The following SLC26A7 variants were observed in gnomAD, a reference collection of about 807,000 sequenced individuals.
SLC26A7 encodes anion exchange transporter.
In SLC26A7, 59 loss-of-function variants were observed where a neutral mutation model predicts 82.5. The ratio of observed to expected loss-of-function variants is 0.72; its 90% confidence interval spans 0.58 to 0.89. SLC26A7 has a LOEUF of 0.89. Among genes scored for constraint, SLC26A7 ranks in the 40% least tolerant of loss-of-function variants. The pLI is 0.00. For synonymous variants in SLC26A7, 271 were observed against 274.3 expected (o/e 0.99, Z 0.12); for missense variants, 820 against 793.0 (o/e 1.03, Z -0.41).
At chr8:91,372,140 G>T (rs1289735573) in intron 15 of SLC26A7, among the ~76,000 whole-genome samples, 1 of 151,828 alleles carries the variant, frequency 6.6e-6, no homozygotes, top group Non-Finnish European at 1.5e-5. Flanking sequence ...TTAGTCCTTT[G>T]TTGGATGCAT....
Position 91,292,866 on chromosome 8 carries a change from A to G in SLC26A7, c.305-2665A>G, listed in dbSNP as rs79382230. Among the ~76,000 whole-genome samples, 1,132 of 152,296 alleles carry G rather than the reference A, an allele frequency of 7.4e-3. 11 individuals carry two copies. The highest frequency in any genetic ancestry group is 0.026 in the African/African-American group (1,096 of 41,566). ...GGCAACAGCATTGTTGTAGGAACCA[A>G]TGTGAGACAATTGGATAATCTTAAT... On this transcript the variant is annotated intron_variant, in intron 3 of 18. Coordinates refer to ENST00000276609, the MANE Select transcript of SLC26A7 (RefSeq NM_052832.4).
chr8:91,267,566 T>G (rs1226407825), intron 2 of SLC26A7, among the ~76,000 whole-genome samples: 1 of 151,932 alleles, frequency 6.6e-6, no homozygotes, highest in Non-Finnish European at 1.5e-5. Flanking sequence ...CACAATAGTC[T>G]TTTATGACCT....
chr8:91,327,924 T>C (rs1812977364), intron 5 of SLC26A7, among the ~76,000 whole-genome samples: 1 of 152,138 alleles, frequency 6.6e-6, no homozygotes, highest in Admixed American at 6.6e-5. Flanking sequence ...TCATCATTAC[T>C]AGTGAAGAAT....
intron 5 of SLC26A7, among the ~76,000 whole-genome samples, chr8:91,331,901 G>A (rs1471649197): frequency 6.6e-6 from 1 of 151,910 alleles, no homozygotes; most frequent in Non-Finnish European, 1.5e-5. Flanking sequence ...TTGATTAATA[G>A]TGTAATTGAG....
At chr8:91,241,040 C>G (rs1238848841) in intron 2 of SLC26A7, among the ~76,000 whole-genome samples, 1 of 152,138 alleles carries the variant, frequency 6.6e-6, no homozygotes, top group African/African-American at 2.4e-5. Flanking sequence ...CCTAATAATT[C>G]TGCTTCTAAG....
At chr8:91,268,209 T>C (rs560355289) in intron 2 of SLC26A7, among the ~76,000 whole-genome samples, 1 of 151,936 alleles carries the variant, frequency 6.6e-6, no homozygotes, top group East Asian at 1.9e-4. Flanking sequence ...TGAGAAGATC[T>C]GTCCATTGCT....
intron 5 of SLC26A7, among the ~76,000 whole-genome samples, chr8:91,326,111 G>A (rs1438759575): frequency 6.6e-6 from 1 of 152,104 alleles, no homozygotes; most frequent in Non-Finnish European, 1.5e-5. Context: ...TGATCACTTG[G>A]TAATTATTAT....
intron 3 of SLC26A7, among the ~76,000 whole-genome samples, chr8:91,289,723 A>G (rs575501427): frequency 4.6e-5 from 7 of 152,238 alleles, no homozygotes; most frequent in Non-Finnish European, 1.0e-4. Flanking sequence ...AGGTAAGACT[A>G]CATAAAATAT....
intron 6 of SLC26A7, 126 bp from the exon 7 acceptor site, chr8:91,338,024 C>A (rs1434691394): frequency 7.9e-6 from 4 of 505,368 alleles, no homozygotes; most frequent in African/African-American, 6.0e-5. Flanking sequence ...AAAGTCTGTG[C>A]AACTGCTAGA....
At chr8:91,384,572 C>T (rs1814748633) in intron 15 of SLC26A7, among the ~76,000 whole-genome samples, 1 of 152,158 alleles carries the variant, frequency 6.6e-6, no homozygotes, top group Non-Finnish European at 1.5e-5. Flanking sequence ...TCCTTCATCT[C>T]CATAGCATTT....
At chr8:91,254,598 T>C (rs1362088999) in intron 2 of SLC26A7, among the ~76,000 whole-genome samples, 1 of 151,880 alleles carries the variant, frequency 6.6e-6, no homozygotes, top group East Asian at 1.9e-4. Flanking sequence ...TGGGAAGGAG[T>C]CCAGCAGCTT....
At chr8:91,349,605 A>G (rs547902242) in intron 9 of SLC26A7, among the ~76,000 whole-genome samples, 1 of 152,264 alleles carries the variant, frequency 6.6e-6, no homozygotes, top group Non-Finnish European at 1.5e-5. Context: ...ATTTTATATT[A>G]CCTTCGTGCT....
intron 4 of SLC26A7, among the ~76,000 whole-genome samples, chr8:91,297,419 A>G (rs1364431728): frequency 6.6e-6 from 1 of 152,088 alleles, no homozygotes; most frequent in Non-Finnish European, 1.5e-5. Context: ...CATAAAAAAT[A>G]TATGTCTCAT....
chr8:91,327,885 G>A (rs536453083), intron 5 of SLC26A7, among the ~76,000 whole-genome samples: 9 of 152,062 alleles, frequency 5.9e-5, no homozygotes, highest in Non-Finnish European at 1.2e-4. Flanking sequence ...AATCTTTGTG[G>A]TCCCTTTATG....
intron 2 of SLC26A7, among the ~76,000 whole-genome samples, chr8:91,275,369 G>A (rs1040812651): frequency 2.0e-5 from 3 of 152,158 alleles, no homozygotes; most frequent in African/African-American, 7.2e-5. Context: ...CATGTTCACA[G>A]TTCACTGCAG....
intron 2 of SLC26A7, among the ~76,000 whole-genome samples, chr8:91,279,145 A>ATATG: frequency 9.1e-6 from 1 of 110,078 alleles, no homozygotes; most frequent in African/African-American, 4.0e-5. Flanking sequence ...ATATATATAT[A>ATATG]TATATATATA....
At position 91,292,112 on chromosome 8, in the gene SLC26A7, T is replaced by C. The variant is rs535739389; in HGVS notation, c.304+2866T>C. Among the ~76,000 whole-genome samples, 12 of 152,216 alleles carry C rather than the reference T, an allele frequency of 7.9e-5. No homozygotes were observed. In the East Asian group the frequency reaches 2.3e-3, roughly 29 times the overall value. ...CAAGGTCAGGAGATCAAGATCATCC[T>C]GGCTAACACGGTGAAACCCTGTCTG... is the stretch of plus-strand genomic sequence containing the variant. On this transcript the variant is annotated intron_variant, in intron 3 of 18. Coordinates refer to ENST00000276609, the MANE Select transcript of SLC26A7 (RefSeq NM_052832.4).
intron 2 of SLC26A7, among the ~76,000 whole-genome samples, chr8:91,283,003 C>T (rs1031059883): frequency 2.6e-5 from 4 of 152,048 alleles, no homozygotes; most frequent in Non-Finnish European, 4.4e-5. Flanking sequence ...AGTAATTCCC[C>T]CTTTATTGTT....
Position 91,214,607 on chromosome 8 carries a change from A to G in SLC26A7, c.-149-4283A>G, listed in dbSNP as rs1163720200. 2.6e-5 allele frequency among the ~76,000 whole-genome samples: 4 copies of G among 152,238 alleles called. No homozygotes were observed. In the South Asian group the frequency reaches 8.3e-4, roughly 32 times the overall value. ...CCTAAGGTAAGTCATCTACCTTACT[A>G]TATCAGGACTAATTTCCTCATTTGG... On this transcript the variant is annotated intron_variant, in intron 1 of 5. Transcript: ENST00000522862.
Sources: allele counts gnomAD v4.1 joint callset (sites outside exome capture counted in the v4.1 genomes callset), GRCh38; gene constraint gnomAD v4.1.1; transcripts MANE v1.5; gene names NCBI Gene and HGNC (gene_info 2026-07-23, HGNC 2026-07-21).